SLC25A14: variants seen among roughly 807,000 people sequenced by gnomAD.
The protein encoded by SLC25A14 is brain mitochondrial carrier protein 1.
In SLC25A14, 8 loss-of-function variants were observed where a neutral mutation model predicts 28.1. That is an observed-to-expected ratio of 0.28 (90% CI 0.17 to 0.51). SLC25A14 has a LOEUF of 0.51. SLC25A14 is among the 20% of genes least tolerant of loss of function. SLC25A14 has a pLI of 0.97. For missense variants in SLC25A14, 135 were observed against 263.8 expected, an observed-to-expected ratio of 0.51 and a Z score of 3.38; for synonymous variants, 74 against 90.6, an observed-to-expected ratio of 0.82 and a Z score of 1.04.
chrX:130,346,249 A>G (rs980849934), intron 3 of SLC25A14, among the ~76,000 whole-genome samples: 4 of 111,006 alleles, frequency 3.6e-5, no homozygotes, highest in African/African-American at 1.3e-4. Flanking sequence ...TACAGATGAA[A>G]TAAAAAACAA....
intron 9 of SLC25A14, among the ~76,000 whole-genome samples, chrX:130,367,408 G>A (rs1410943029): frequency 2.7e-5 from 3 of 111,748 alleles, no homozygotes; most frequent in Non-Finnish European, 5.6e-5. Context: ...ATCACAAGAG[G>A]AGCACGTCTT....
In SLC25A14 at chrX:130,346,679, C is replaced by T; in HGVS notation, c.305C>T (p.Ala102Val). 8.3e-7 allele frequency: 1 copy of T among 1,205,760 alleles called. No homozygotes were observed. Among genetic ancestry groups the T allele is most frequent in the Non-Finnish European group, 1.1e-6 (1 of 890,740 alleles). Reference sequence around the variant, plus strand: ...ATCTGTAAAGAGGAAGGTGTATTGGCTCTCTATTCAGGGTGAGACTGGTTC... The same window carrying T: ...ATCTGTAAAGAGGAAGGTGTATTGGTTCTCTATTCAGGGTGAGACTGGTTC... Reference protein sequence around the residue: ...FRICKEEGVLALYSGIAPALL... With the variant: ...FRICKEEGVLVLYSGIAPALL... Residue 102 changes from alanine to valine, a missense_variant, in exon 4 of 11, where the codon GCT (alanine) becomes GTT (valine). Transcript: ENST00000545805.
At chrX:130,343,866 A>G (rs1217541431) in intron 2 of SLC25A14, among the ~76,000 whole-genome samples, 1 of 112,171 alleles carries the variant, frequency 8.9e-6, no homozygotes, top group African/African-American at 3.2e-5. Flanking sequence ...AGTTTTTATT[A>G]TTAGTTCCAT....
intron 7 of SLC25A14, among the ~76,000 whole-genome samples, chrX:130,360,223 G>A (rs193021863): frequency 9.1e-6 from 1 of 109,596 alleles, no homozygotes; most frequent in East Asian, 2.9e-4. Flanking sequence ...TTTCCTCATT[G>A]TGTTTGTTTC....
intron 7 of SLC25A14, among the ~76,000 whole-genome samples, chrX:130,360,736 A>G: frequency 8.9e-6 from 1 of 112,200 alleles, no homozygotes; most frequent in Non-Finnish European, 1.9e-5. Context: ...AATAAATAGA[A>G]TTGGAGATTT....
chrX:130,341,871 A>G (rs985476827), intron 2 of SLC25A14, among the ~76,000 whole-genome samples: 1 of 112,193 alleles, frequency 8.9e-6, no homozygotes, highest in Non-Finnish European at 1.9e-5. Context: ...GCAAGGGAAC[A>G]GGGTTCGCAG....
chrX:130,343,035 A>G (rs1434038708), intron 2 of SLC25A14, among the ~76,000 whole-genome samples: 1 of 111,200 alleles, frequency 9.0e-6, no homozygotes, highest in Admixed American at 9.5e-5. Flanking sequence ...CTGATTCATC[A>G]TTGCTCCCTG....
At chrX:130,364,540 A>T in intron 7 of SLC25A14, 88 bp from the exon 8 acceptor site, 1 of 634,987 alleles carries the variant, frequency 1.6e-6, no homozygotes. Flanking sequence ...TTTTTCTGTT[A>T]CTTTTCAACT....
At chrX:130,366,990 A>C (rs927574649) in intron 9 of SLC25A14, among the ~76,000 whole-genome samples, 1 of 112,566 alleles carries the variant, frequency 8.9e-6, no homozygotes, top group African/African-American at 3.2e-5. Context: ...AAAGTTTAAC[A>C]TGCATCAGAA....
chrX:130,350,171 CAG>C (rs1271428744), intron 5 of SLC25A14, among the ~76,000 whole-genome samples: 4 of 111,707 alleles, frequency 3.6e-5, no homozygotes, highest in Non-Finnish European at 5.7e-5. Context: ...TATAAATTAA[CAG>C]AGGCTAGGAG....
At chrX:130,354,392 C>T (rs1199875176) in intron 6 of SLC25A14, among the ~76,000 whole-genome samples, 2 of 112,245 alleles carry the variant, frequency 1.8e-5, no homozygotes, top group African/African-American at 3.2e-5. Context: ...GGATTACAGG[C>T]GTGAGCCACC....
chrX:130,352,881 T>C (rs1047067828), intron 6 of SLC25A14, among the ~76,000 whole-genome samples: 2 of 112,587 alleles, frequency 1.8e-5, no homozygotes, highest in Non-Finnish European at 3.8e-5. Flanking sequence ...ACTCTGTTGG[T>C]AGTTTCTTTT....
At chrX:130,344,415 C>G (rs1340277937) in intron 2 of SLC25A14, among the ~76,000 whole-genome samples, 1 of 111,363 alleles carries the variant, frequency 9.0e-6, no homozygotes, top group Non-Finnish European at 1.9e-5. Context: ...GATGACAGGT[C>G]TAACGGGGGT....
chrX:130,350,535 T>A, intron 5 of SLC25A14, 111 bp from the exon 6 acceptor site: 1 of 349,072 alleles, frequency 2.9e-6, no homozygotes, highest in Non-Finnish European at 5.0e-6. Flanking sequence ...TTTGGTTCAT[T>A]TCTAAAGTCA....
At chrX:130,349,491 TTTGCAGAGGTGATATATGA>T (rs746216928) in intron 5 of SLC25A14, 146 bp downstream of exon 5, 69 of 361,873 alleles carry the variant, frequency 1.9e-4, no homozygotes, top group African/African-American at 1.6e-3. Flanking sequence ...GGAATAAATC[TTTGCAGAGGTGATATATGA>T]ATTAGAGAGA....
intron 3 of SLC25A14, among the ~76,000 whole-genome samples, chrX:130,346,312 T>C (rs752602766): frequency 4.5e-5 from 5 of 111,821 alleles, no homozygotes; most frequent in Non-Finnish European, 9.4e-5. Context: ...TTTTATTATA[T>C]TACAGTTTGA....
intron 6 of SLC25A14, 151 bp downstream of exon 6, chrX:130,350,882 A>C: frequency 5.5e-6 from 2 of 360,507 alleles, no homozygotes; most frequent in South Asian, 1.4e-4. Context: ...AATGAATATA[A>C]TACAGTGTTT....
chrX:130,356,751 A>C (rs2033805608), intron 6 of SLC25A14, among the ~76,000 whole-genome samples: 1 of 111,784 alleles, frequency 8.9e-6, no homozygotes, highest in South Asian at 3.8e-4. Context: ...CTAAACTAGA[A>C]ACCTAGATCA....
At chrX:130,368,848 C>G (rs2034192494) in intron 9 of SLC25A14, among the ~76,000 whole-genome samples, 1 of 112,263 alleles carries the variant, frequency 8.9e-6, no homozygotes, top group Middle Eastern at 4.6e-3. Flanking sequence ...TTTGTACTTA[C>G]AGCCACTATG....
Sources: gnomAD v4.1 joint callset for allele counts (sites outside exome capture counted in the v4.1 genomes callset) on GRCh38, gnomAD v4.1.1 for gene constraint, MANE v1.5 for transcripts, NCBI Gene and HGNC (gene_info 2026-07-23, HGNC 2026-07-21) for gene names.